Variants in UST observed in about 807,000 individuals in gnomAD.
The protein encoded by UST is uronyl 2-sulfotransferase.
UST carries 21 observed loss-of-function variants against 45.6 expected under a neutral mutation model. The ratio of observed to expected loss-of-function variants is 0.46; its 90% CI spans 0.33 to 0.66. UST has a LOEUF of 0.66. Among genes scored for constraint, UST ranks in the 30% least tolerant of loss-of-function variants. The pLI is 0.02. For missense variants in UST, 463 were observed against 512.4 expected (o/e 0.90, Z 0.93); for synonymous variants, 215 against 200.6 (o/e 1.07, Z -0.61).
intron 5 of UST, among the ~76,000 whole-genome samples, chr6:149,004,168 C>T (rs922424167): frequency 2.0e-5 from 3 of 152,130 alleles, no homozygotes; most frequent in East Asian, 1.9e-4. Flanking sequence ...ATTGTACACA[C>T]GAAAAACCTA....
intron 1 of UST, among the ~76,000 whole-genome samples, chr6:148,850,200 G>A (rs1778077953): frequency 6.6e-6 from 1 of 152,150 alleles, no homozygotes; most frequent in Non-Finnish European, 1.5e-5. Context: ...CAGTTGTATG[G>A]AGAGGCACAT....
intron 7 of UST, among the ~76,000 whole-genome samples, chr6:149,037,631 C>A (rs1293336402): frequency 6.6e-6 from 1 of 152,206 alleles, no homozygotes; most frequent in Non-Finnish European, 1.5e-5. Flanking sequence ...CCAAGCACCG[C>A]GACTCAAAGT....
At chr6:148,826,905 C>G (rs1297352975) in intron 1 of UST, among the ~76,000 whole-genome samples, 1 of 152,202 alleles carries the variant, frequency 6.6e-6, no homozygotes, top group African/African-American at 2.4e-5. Context: ...CCCATCATCA[C>G]AGCTCAGTCC....
In UST at chr6:148,748,045, C is replaced by CGAAGG. The variant is rs1482540321; in HGVS notation, c.247+379_247+383dup. Reference sequence around the variant, plus strand: ...TCAGGCCTGGCGGCGCGGGGAGTGGCGAAGGGAAGGGAAGGTCCTCTTCGT... The same window carrying CGAAGG: ...TCAGGCCTGGCGGCGCGGGGAGTGGCGAAGGGAAGGGAAGGGAAGGTCCTCTTCGT... On this transcript the variant is annotated intron_variant, in intron 1 of 7. Transcript: ENST00000367463. This position sits in a 1 kb window ranked among gnomAD's most constrained non-coding sequence, Gnocchi z 5.3. Among the ~76,000 whole-genome samples, 25 of 151,904 alleles carry CGAAGG rather than the reference C, an allele frequency of 1.6e-4. No individual in the cohort carries two copies. The highest frequency in any genetic ancestry group is 5.8e-4 in the African/African-American group (24 of 41,324).
At chr6:148,846,606 T>C (rs532500730) in intron 1 of UST, among the ~76,000 whole-genome samples, 11 of 151,598 alleles carry the variant, frequency 7.3e-5, no homozygotes, top group African/African-American at 2.7e-4. Context: ...ATAATAATAA[T>C]AAAAAATAAA....
chr6:149,059,685 C>T (rs750410851), intron 7 of UST, among the ~76,000 whole-genome samples: 1 of 152,194 alleles, frequency 6.6e-6, no homozygotes, highest in Non-Finnish European at 1.5e-5. Flanking sequence ...GCATTGATGA[C>T]TAAGCAAAAA....
chr6:148,837,909 C>G (rs758585420), intron 1 of UST, among the ~76,000 whole-genome samples: 179 of 152,276 alleles, frequency 1.2e-3, no homozygotes, highest in Non-Finnish European at 2.0e-3. Context: ...CGCCATGTTG[C>G]TCAGGCTGGT....
chr6:148,830,404 A>G (rs1562270657), intron 1 of UST, among the ~76,000 whole-genome samples: 1 of 152,234 alleles, frequency 6.6e-6, no homozygotes, highest in African/African-American at 2.4e-5. Flanking sequence ...CACATATTCT[A>G]TCCAATTCTA....
chr6:148,966,332 A>C (rs1269146964), intron 5 of UST, among the ~76,000 whole-genome samples: 1 of 152,178 alleles, frequency 6.6e-6, no homozygotes, highest in Non-Finnish European at 1.5e-5. Context: ...GAAACACTAC[A>C]AGAATAATGT....
At chr6:148,787,055 G>A (rs915956308) in intron 1 of UST, among the ~76,000 whole-genome samples, 2 of 151,894 alleles carry the variant, frequency 1.3e-5, no homozygotes, top group African/African-American at 2.4e-5. Context: ...CTTTTAATGG[G>A]GTTGTTTTTT....
chr6:148,861,117 G>T (rs113200035), intron 1 of UST, among the ~76,000 whole-genome samples: 38,775 of 152,018 alleles, frequency 0.26, 5,454 homozygotes, highest in East Asian at 0.57. Flanking sequence ...ACGTGAATTC[G>T]TCTGGTCCTG....
chr6:149,063,710 G>C (rs986857260), intron 7 of UST, among the ~76,000 whole-genome samples: 1 of 152,116 alleles, frequency 6.6e-6, no homozygotes, highest in African/African-American at 2.4e-5. Context: ...CAGCACCCTC[G>C]TCCTTCTGAT....
intron 5 of UST, among the ~76,000 whole-genome samples, chr6:148,988,960 A>G (rs1021878917): frequency 7.2e-5 from 11 of 152,130 alleles, no homozygotes; most frequent in African/African-American, 2.4e-4. Flanking sequence ...ACAAGGAGTG[A>G]CCCAAGCAGT....
intron 5 of UST, among the ~76,000 whole-genome samples, chr6:148,970,313 A>G (rs1189035273): frequency 6.6e-6 from 1 of 152,146 alleles, no homozygotes; most frequent in African/African-American, 2.4e-5. Context: ...AACGGCAGCC[A>G]TGTGTGTAGT....
At position 148,941,314 on chromosome 6, in the gene UST, G is replaced by C; in HGVS notation, c.327G>C (p.Arg109Ser). 1.9e-6 allele frequency: 3 copies of C among 1,612,554 alleles called. No individual in the cohort carries two copies. Among genetic ancestry groups the C allele is most frequent in the Non-Finnish European group, 2.5e-6 (3 of 1,179,734 alleles). Residue 109 changes from arginine to serine, a missense_variant, in exon 3 of 8, where the codon AGG becomes AGC. Physicochemically the swap from Arg to Ser is moderately radical, Grantham distance 110 (BLOSUM62 -1). This residue lies in a region of UST where 287 missense variants were observed against 374.2 expected (regional missense o/e 0.77). Transcript: ENST00000367463. The part of the protein sequence containing the change: ...LPFPSQVVYN[R>S]VGKCGSRTVV... ...TCCCAAGCCAGGTGGTGTACAACAG[G>C]GTAGGCAAGTGTGGGAGCCGTACTG...
intron 7 of UST, among the ~76,000 whole-genome samples, chr6:149,053,508 TTG>T (rs1425266562): frequency 6.6e-6 from 1 of 152,224 alleles, no homozygotes; most frequent in Non-Finnish European, 1.5e-5. Context: ...AACTTATGTG[TTG>T]TGTGTTTTTT....
At chr6:148,764,515 A>G (rs78291870) in intron 1 of UST, among the ~76,000 whole-genome samples, 1 of 152,306 alleles carries the variant, frequency 6.6e-6, no homozygotes, top group African/African-American at 2.4e-5. Flanking sequence ...CCCACCCCCG[A>G]TAATTCAACG....
At chr6:149,068,702 G>A (rs1345965211) in intron 7 of UST, among the ~76,000 whole-genome samples, 1 of 152,054 alleles carries the variant, frequency 6.6e-6, no homozygotes, top group Non-Finnish European at 1.5e-5. Context: ...GGTGTTTAGG[G>A]TATCCATCAC....
At chr6:148,923,222 T>C (rs1207657686) in intron 2 of UST, among the ~76,000 whole-genome samples, 2 of 152,246 alleles carry the variant, frequency 1.3e-5, no homozygotes, top group East Asian at 1.9e-4. Flanking sequence ...TCTCCACTTT[T>C]GGGTTATTAT....
Sources: gnomAD v4.1 joint callset for allele counts (sites outside exome capture counted in the v4.1 genomes callset) on GRCh38, gnomAD v4.1.1 for gene constraint, gnomAD v4.1.1 regional missense constraint, Gnocchi (gnomAD v3.1) non-coding constraint, MANE v1.5 for transcripts, NCBI Gene and HGNC (gene_info 2026-07-23, HGNC 2026-07-21) for gene names.